The following CD226 variants were observed in gnomAD, a reference collection of about 807,000 sequenced individuals.
CD226 encodes CD226 molecule, also known as CD226 antigen.
A neutral mutation model predicts 34.9 loss-of-function variants in CD226; 24 were observed. That is an observed-to-expected ratio of 0.69 (90% confidence interval 0.50 to 0.97). The LOEUF is 0.97. Among genes scored for constraint, CD226 ranks in the 50% least tolerant of loss-of-function variants. The probability of loss-of-function intolerance (pLI) is 0.00; values close to 1 mark genes in which losing one functional copy is unlikely to be tolerated. For missense variants in CD226, 397 were observed against 412.7 expected (o/e 0.96, Z 0.33); for synonymous variants, 148 against 147.4 (o/e 1.00, Z -0.03).
rs138014526 is a variant in CD226, at chr18:69,939,149, A to G, written c.382+7585T>C. Among the ~76,000 whole-genome samples, 13 of 152,360 alleles carry G rather than the reference A, an allele frequency of 8.5e-5. No individual in the cohort carries two copies. The East Asian group carries it at 2.5e-3, about 29-fold the overall frequency. On this transcript the variant is annotated intron_variant, in intron 2 of 5. Transcript: ENST00000582621. ...AAATCTTCTAAAACATTTTGAGACA[A>G]ATGCAAAATAAAACACCTGTATAAG...
At chr18:69,950,022 T>A (rs916429637), upstream of CD226, among the ~76,000 whole-genome samples, 1 of 151,582 alleles carries the variant, frequency 6.6e-6, no homozygotes, top group Admixed American at 6.6e-5. Context: ...ACACACACAA[T>A]CACATGCAGG....
chr18:69,942,850 T>G (rs1184512813), intron 2 of CD226, among the ~76,000 whole-genome samples: 1 of 152,192 alleles, frequency 6.6e-6, no homozygotes, highest in Non-Finnish European at 1.5e-5. Flanking sequence ...TGTGCCCTTC[T>G]TTAAGCCATC....
intron 4 of CD226, among the ~76,000 whole-genome samples, chr18:69,869,946 G>A (rs550003618): frequency 1.1e-4 from 17 of 150,014 alleles, no homozygotes; most frequent in Middle Eastern, 3.4e-3. Flanking sequence ...GATTACAGGC[G>A]CCCGCCACCA....
At chr18:69,921,160 A>G (rs563985540) in intron 2 of CD226, among the ~76,000 whole-genome samples, 8 of 151,692 alleles carry the variant, frequency 5.3e-5, no homozygotes, top group Non-Finnish European at 1.2e-4. Flanking sequence ...AGCTTCTTAC[A>G]CTCATGCAAG....
Position 69,883,004 on chromosome 18 carries a change from A to T in CD226, c.728-9758T>A, listed in dbSNP as rs1258805369. The stretch of plus-strand genomic sequence containing the variant: ...TTATGGACACTTGACTCTGAGTCAA[A>T]GCCTAGCCAAGACTGTTTCTGTTTA... On this transcript the variant is annotated intron_variant, in intron 3 of 5. Coordinates refer to ENST00000582621, the MANE Select transcript of CD226 (RefSeq NM_001303618.2). 2.0e-5 allele frequency among the ~76,000 whole-genome samples: 3 copies of T among 152,214 alleles called. No individual in the cohort carries two copies. The East Asian group carries it at 5.8e-4, about 29-fold the overall frequency.
intron 2 of CD226, among the ~76,000 whole-genome samples, chr18:69,927,961 G>A (rs550800165): frequency 3.9e-5 from 6 of 152,120 alleles, no homozygotes; most frequent in Non-Finnish European, 7.4e-5. Flanking sequence ...TCAAAAACTT[G>A]CAAATGACAC....
chr18:69,923,770 C>T (rs143094774), intron 2 of CD226, among the ~76,000 whole-genome samples: 12,828 of 151,710 alleles, frequency 0.085, 1,357 homozygotes, highest in African/African-American at 0.25. Flanking sequence ...CGGCTAAAAA[C>T]GGTGAAACCC....
intron 4 of CD226, among the ~76,000 whole-genome samples, chr18:69,872,057 G>GTGT (rs141673924): frequency 7.0e-6 from 1 of 143,430 alleles, no homozygotes; most frequent in Admixed American, 6.9e-5. Flanking sequence ...ATTAACAAGG[G>GTGT]GTGTGTGTGT....
chr18:69,899,180 T>C (rs1237558402), intron 2 of CD226, among the ~76,000 whole-genome samples: 2 of 152,208 alleles, frequency 1.3e-5, no homozygotes, highest in Non-Finnish European at 2.9e-5. Flanking sequence ...CCACTGCTCA[T>C]GTCCTGGGTA....
At chr18:69,873,734 G>A (rs1274239543) in intron 3 of CD226, among the ~76,000 whole-genome samples, 1 of 152,136 alleles carries the variant, frequency 6.6e-6, no homozygotes, top group Admixed American at 6.5e-5. Context: ...ATCCCAGTGT[G>A]GTGGTGCATG....
At position 69,947,645 on chromosome 18, in the gene CD226, G is replaced by A. The variant is rs1427893824; in HGVS notation, c.-239C>T. On this transcript the variant is annotated 5_prime_UTR_variant, in exon 1 of 6. An upstream open reading frame in the 5' UTR gains an earlier in-frame stop. Transcript: ENST00000582621. Reference sequence around the variant, plus strand: ...TCGGGGAACCAGTCGGCTTATTTTCGGGCTTTCATTTTCTACAAGGAGTCA... The same window carrying A: ...TCGGGGAACCAGTCGGCTTATTTTCAGGCTTTCATTTTCTACAAGGAGTCA... 13 of 368,022 alleles carry A rather than the reference G, an allele frequency of 3.5e-5. No individual in the cohort carries two copies. Among genetic ancestry groups the A allele is most frequent in the East Asian group, 1.8e-4 (4 of 22,744 alleles). 22.8% of individuals were successfully genotyped at this position (368,022 alleles called of 1,614,324 possible).
At chr18:69,913,710 A>T (rs1599003565) in intron 2 of CD226, among the ~76,000 whole-genome samples, 2 of 152,274 alleles carry the variant, frequency 1.3e-5, no homozygotes, top group East Asian at 3.9e-4. Flanking sequence ...TGCAGGATGG[A>T]CCTCACGAGC....
intron 2 of CD226, among the ~76,000 whole-genome samples, chr18:69,911,043 G>C (rs1037473772): frequency 6.6e-6 from 1 of 152,160 alleles, no homozygotes; most frequent in African/African-American, 2.4e-5. Context: ...TAGCAAACTG[G>C]GTGTTGGCGA....
upstream of CD226, among the ~76,000 whole-genome samples, chr18:69,952,404 C>T (rs552891395): frequency 6.6e-6 from 1 of 152,284 alleles, no homozygotes; most frequent in East Asian, 1.9e-4. Context: ...TACAAAACTG[C>T]CCTTGTACCC....
At chr18:69,872,057 GGTGTGTGTGTGTGT>G (rs201644137) in intron 4 of CD226, among the ~76,000 whole-genome samples, 3 of 143,430 alleles carry the variant, frequency 2.1e-5, no homozygotes, top group African/African-American at 5.2e-5. Context: ...ATTAACAAGG[GGTGTGTGTGTGTGT>G]GTGTGTGTGT....
At chr18:69,950,238 GCACACACTCT>G (rs1362317335), upstream of CD226, among the ~76,000 whole-genome samples, 2 of 151,794 alleles carry the variant, frequency 1.3e-5, no homozygotes, top group Admixed American at 6.6e-5. Flanking sequence ...ACACACATTT[GCACACACTCT>G]CACACACTCT....
intron 3 of CD226, among the ~76,000 whole-genome samples, chr18:69,889,154 C>T (rs1437878432): frequency 6.6e-6 from 1 of 151,924 alleles, no homozygotes; most frequent in Admixed American, 6.6e-5. Flanking sequence ...AACTATGTTT[C>T]ATCTGGATAC....
intron 1 of CD226, among the ~76,000 whole-genome samples, chr18:69,955,668 C>T (rs1246394734): frequency 6.6e-6 from 1 of 151,984 alleles, no homozygotes; most frequent in Non-Finnish European, 1.5e-5. Context: ...TCGAGACCAT[C>T]GTGGCTAACA....
chr18:69,925,242 G>C (rs2055507099), intron 2 of CD226, among the ~76,000 whole-genome samples: 1 of 152,202 alleles, frequency 6.6e-6, no homozygotes, highest in Non-Finnish European at 1.5e-5. Flanking sequence ...ATTAAAGCCA[G>C]AGAGTCTCAC....
Sources: gnomAD v4.1 joint callset for allele counts (sites outside exome capture counted in the v4.1 genomes callset) on GRCh38, gnomAD v4.1.1 for gene constraint, MANE v1.5 for transcripts, NCBI Gene and HGNC (gene_info 2026-07-23, HGNC 2026-07-21) for gene names.